The following ZNF568 variants were observed in gnomAD, a reference collection of about 807,000 sequenced individuals.
The protein encoded by ZNF568 is p53 inhibitor of SCO2 activation.
In ZNF568, 11 loss-of-function variants were observed where a neutral mutation model predicts 18.1. The ratio of observed to expected loss-of-function variants is 0.61; its 90% CI spans 0.38 to 1.00. The LOEUF (loss-of-function observed/expected upper bound fraction) is 1.00. ZNF568 is among the 50% of genes least tolerant of loss of function. ZNF568 has a pLI of 0.01. For missense variants in ZNF568, 639 were observed against 768.2 expected, an observed-to-expected ratio of 0.83 and a Z score of 1.99; for synonymous variants, 213 against 246.6, an observed-to-expected ratio of 0.86 and a Z score of 1.28.
intron 2 of ZNF568, among the ~76,000 whole-genome samples, chr19:36,987,819 A>ACT (rs934411278): frequency 3.4e-5 from 2 of 58,848 alleles, no homozygotes; most frequent in African/African-American, 1.2e-4. Context: ...GAAAACACAG[A>ACT]CTCTGTGTGT....
downstream of ZNF568, among the ~76,000 whole-genome samples, chr19:36,982,420 C>T (rs1053062043): frequency 6.6e-5 from 10 of 152,066 alleles, no homozygotes; most frequent in Non-Finnish European, 2.9e-5. Context: ...ATTGATTGGT[C>T]AGGTGTGGTG....
At position 36,937,072 on chromosome 19, in the gene ZNF568, G is replaced by A. The variant is rs1014729398; in HGVS notation, c.263-75G>A. On this transcript the variant is annotated intron_variant, in intron 5 of 6. Coordinates refer to ENST00000333987, the MANE Select transcript of ZNF568 (RefSeq NM_198539.4). ...ATCCTCATCTTTTATAAGCCCTCAA[G>A]CTTGGACTTAGCCTAAGATCTGAAT... 8.7e-6 allele frequency: 13 copies of A among 1,493,372 alleles called. No homozygotes were observed. In the Admixed American group the frequency reaches 2.4e-4, roughly 28 times the overall value. The allele number at this position is 1,493,372 out of a possible 1,614,324, so 92.5% of individuals were successfully genotyped here. A position where few individuals can be genotyped will look rare whatever the true frequency, so the allele number is the denominator to read the frequency against.
At chr19:36,949,420 A>C in intron 6 of ZNF568, 92 bp from the exon 7 acceptor site, 2 of 1,332,102 alleles carry the variant, frequency 1.5e-6, no homozygotes, top group Non-Finnish European at 2.0e-6. Context: ...AACATCAAAG[A>C]TTAAACCCCA....
intron 6 of ZNF568, among the ~76,000 whole-genome samples, chr19:36,937,560 T>A (rs967996302): frequency 2.0e-5 from 3 of 152,216 alleles, no homozygotes; most frequent in Non-Finnish European, 4.4e-5. Context: ...TCTCTTTCCT[T>A]TATGTTTATG....
In ZNF568 at chr19:36,950,668, A is replaced by G. The variant is rs1188626847; in HGVS notation, c.1515A>G (p.Thr505=). The G allele has an allele frequency of 7.4e-6, 12 of 1,613,692 alleles. No homozygotes were observed. The Admixed American group carries it at 2.0e-4, about 27-fold the overall frequency. ...CGGGTGAGAAACCCTATGCATGTAC[A>G]GTATGTGGAAAAGCCTTTAGTCAGA... The part of the protein sequence containing the change: ...IHTGEKPYAC[T]VCGKAFSQKS... Residue 505 remains threonine, a synonymous_variant, in exon 7 of 7, where the codon ACA becomes ACG. Transcript: ENST00000333987.
chr19:36,978,096 A>G (rs1309539290), intron 7 of ZNF568, among the ~76,000 whole-genome samples: 1 of 152,206 alleles, frequency 6.6e-6, no homozygotes, highest in African/African-American at 2.4e-5. Flanking sequence ...CCCTGGCTCC[A>G]CTTTTACTCT....
intron 3 of ZNF568, chr19:36,991,665 T>C: frequency 9.4e-7 from 1 of 1,059,248 alleles, no homozygotes; most frequent in Non-Finnish European, 1.3e-6. Context: ...ACCCTTAATC[T>C]ACCTGCTCCT....
chr19:36,996,438 A>G (rs1364186424), exon 5 of ZNF568: 56 of 1,536,340 alleles, frequency 3.6e-5, no homozygotes, highest in Non-Finnish European at 4.9e-5. Context: ...TGGAGAGACA[A>G]CAGGGTCATC....
chr19:36,946,354 T>A (rs540371958), intron 6 of ZNF568, among the ~76,000 whole-genome samples: 5 of 152,228 alleles, frequency 3.3e-5, no homozygotes, highest in Admixed American at 6.5e-5. Context: ...ACCACTTACT[T>A]TGTTATGATT....
At chr19:36,997,376 C>A, downstream of ZNF568, 1 of 1,593,160 alleles carries the variant, frequency 6.3e-7, no homozygotes, top group Non-Finnish European at 8.5e-7. Flanking sequence ...GGTGAAAAAC[C>A]CTATGAGTGT....
chr19:36,968,138 C>T (rs1231147888), intron 6 of ZNF568, among the ~76,000 whole-genome samples: 1 of 152,098 alleles, frequency 6.6e-6, no homozygotes, highest in Non-Finnish European at 1.5e-5. Context: ...GTCAACTGTA[C>T]ACCATAATAT....
Position 36,949,771 on chromosome 19 carries a change from G to T in ZNF568, c.618G>T (p.Glu206Asp), listed in dbSNP as rs1005780687. 34 of 1,613,838 alleles carry T rather than the reference G, an allele frequency of 2.1e-5. No individual in the cohort carries two copies. Among genetic ancestry groups the T allele is most frequent in the Non-Finnish European group, 2.7e-5 (32 of 1,179,940 alleles). Reference protein sequence around the residue: ...KGCVREKQSNEFGKPFYHCAS... With the variant: ...KGCVREKQSNDFGKPFYHCAS... ...GTGTAAGAGAGAAACAGAGTAATGA[G>T]TTTGGGAAACCATTTTACCATTGTG... Residue 206 changes from glutamate (E) to aspartate (D), a missense_variant, in exon 7 of 7, where the codon GAG (glutamate) becomes GAT (aspartate). Physicochemically the swap from Glu to Asp is conservative, Grantham distance 45. Coordinates refer to ENST00000333987, the MANE Select transcript of ZNF568 (RefSeq NM_198539.4).
Position 36,996,663 on chromosome 19 carries a change from TG to T in ZNF568, c.578del (p.Gly193AspfsTer4). On this transcript the variant is annotated frameshift_variant, in exon 5 of 5. Coordinates refer to the ZNF568 transcript ENST00000433993. LOFTEE classifies it low-confidence loss of function (END_TRUNC). ...GAGAATGTAGGAAAATCTTTAATAGTGGATCAGACTTGATTAAGCATCAGAC... is the reference window on the plus strand; with the variant it reads ...GAGAATGTAGGAAAATCTTTAATAGTGATCAGACTTGATTAAGCATCAGAC... 6.5e-7 allele frequency: 1 copy of T among 1,534,820 alleles called. No homozygotes were observed. Among genetic ancestry groups the T allele is most frequent in the Non-Finnish European group, 8.7e-7 (1 of 1,146,596 alleles).
intron 6 of ZNF568, among the ~76,000 whole-genome samples, chr19:36,960,308 G>A (rs932597685): frequency 6.6e-6 from 1 of 151,218 alleles, no homozygotes; most frequent in African/African-American, 2.4e-5. Context: ...AGTAGAAATC[G>A]GGTTTCACCA....
At chr19:36,922,946 T>C in intron 3 of ZNF568, 100 bp downstream of exon 3, 1 of 953,180 alleles carries the variant, frequency 1.0e-6, no homozygotes, top group Non-Finnish European at 1.6e-6. Context: ...AGGTCACGTA[T>C]GTTAATTGAC....
intron 6 of ZNF568, among the ~76,000 whole-genome samples, chr19:36,962,941 T>C (rs893357754): frequency 6.6e-6 from 1 of 152,178 alleles, no homozygotes; most frequent in Non-Finnish European, 1.5e-5. Context: ...ACAATGTGAA[T>C]ATAATTGTGC....
intron 4 of ZNF568, among the ~76,000 whole-genome samples, chr19:36,934,283 T>C (rs1031110366): frequency 6.6e-6 from 1 of 151,468 alleles, no homozygotes; most frequent in Admixed American, 6.6e-5. Context: ...TGGATTTAGT[T>C]TGATCATCTT....
At chr19:36,986,331 G>A (rs2074376577) in intron 2 of ZNF568, among the ~76,000 whole-genome samples, 1 of 151,996 alleles carries the variant, frequency 6.6e-6, no homozygotes. Flanking sequence ...AACTTGGCCA[G>A]CTATAGGCTT....
chr19:36,929,386 A>T (rs950197582), intron 4 of ZNF568, among the ~76,000 whole-genome samples: 8 of 152,044 alleles, frequency 5.3e-5, no homozygotes, highest in East Asian at 1.9e-4. Context: ...AAAAAATTTT[A>T]AAAAATTAGC....
Sources: allele counts gnomAD v4.1 joint callset (sites outside exome capture counted in the v4.1 genomes callset), GRCh38; gene constraint gnomAD v4.1.1; transcripts MANE v1.5; gene names NCBI Gene and HGNC (gene_info 2026-07-23, HGNC 2026-07-21).